DDX31: variants seen among roughly 807,000 people sequenced by gnomAD.
DDX31 encodes the protein ATP-dependent DNA helicase DDX31.
DDX31 carries 70 observed loss-of-function variants against 91.3 expected under a neutral mutation model. The observed-to-expected ratio is 0.77, with a 90% CI of 0.63 to 0.94. The LOEUF is 0.94. Ranked by LOEUF, DDX31 falls within the 40% of genes least tolerant of loss-of-function variation. DDX31 has a pLI of 0.00. For synonymous variants in DDX31, 362 were observed against 350.6 expected, an observed-to-expected ratio of 1.03 and a Z score of -0.36; for missense variants, 902 against 925.0, an observed-to-expected ratio of 0.98 and a Z score of 0.32.
Position 132,604,905 on chromosome 9 carries a change from C to T in DDX31, c.1994+7182G>A, listed in dbSNP as rs74444980. 6.6e-3 allele frequency among the ~76,000 whole-genome samples: 1,003 copies of T among 152,254 alleles called. 12 individuals carry two copies. The highest frequency in any genetic ancestry group is 0.023 in the African/African-American group (958 of 41,532). ...CCTGCTCATTTCTGTGTTCTGTGGGCTGATCCCAGGCCTCCTTCACCAGGG... is the reference window on the plus strand; with the variant it reads ...CCTGCTCATTTCTGTGTTCTGTGGGTTGATCCCAGGCCTCCTTCACCAGGG... On this transcript the variant is annotated intron_variant, in intron 19 of 19. Coordinates refer to ENST00000372159, the MANE Select transcript of DDX31 (RefSeq NM_022779.9).
At chr9:132,613,675 C>T (rs1358928463) in intron 18 of DDX31, among the ~76,000 whole-genome samples, 1 of 152,156 alleles carries the variant, frequency 6.6e-6, no homozygotes, top group Non-Finnish European at 1.5e-5. Context: ...GCCTGGGCAA[C>T]AAGAGCAAAA....
chr9:132,619,397 C>T (rs1328465526), intron 17 of DDX31, among the ~76,000 whole-genome samples: 4 of 152,236 alleles, frequency 2.6e-5, no homozygotes, highest in East Asian at 1.9e-4. Flanking sequence ...TGTGAACCCC[C>T]GGGGAAAATC....
At chr9:132,618,776 A>G (rs1481962297) in intron 17 of DDX31, among the ~76,000 whole-genome samples, 2 of 152,218 alleles carry the variant, frequency 1.3e-5, no homozygotes, top group Admixed American at 1.3e-4. Context: ...ATCACTGAAC[A>G]TGAGCTGTTT....
At chr9:132,597,420 A>C (rs1235530261) in intron 19 of DDX31, among the ~76,000 whole-genome samples, 1 of 152,154 alleles carries the variant, frequency 6.6e-6, no homozygotes, top group Non-Finnish European at 1.5e-5. Context: ...GTCTGACAGG[A>C]AGGAATGCTT....
At chr9:132,609,158 G>C (rs1176243137) in intron 19 of DDX31, among the ~76,000 whole-genome samples, 1 of 152,078 alleles carries the variant, frequency 6.6e-6, no homozygotes, top group African/African-American at 2.4e-5. Context: ...CAAGAACAGA[G>C]AGCGGCATTG....
intron 6 of DDX31, among the ~76,000 whole-genome samples, chr9:132,653,730 T>G (rs1366315666): frequency 6.6e-6 from 1 of 152,014 alleles, no homozygotes; most frequent in African/African-American, 2.4e-5. Context: ...TATAAGCTAA[T>G]TCTCTCTAAA....
chr9:132,632,820 G>A (rs947713576), intron 14 of DDX31, among the ~76,000 whole-genome samples: 1 of 152,170 alleles, frequency 6.6e-6, no homozygotes, highest in African/African-American at 2.4e-5. Context: ...AAGCAATGGA[G>A]ATTTATTTTT....
At chr9:132,598,373 C>T (rs948105932) in intron 19 of DDX31, among the ~76,000 whole-genome samples, 4 of 152,180 alleles carry the variant, frequency 2.6e-5, no homozygotes. Context: ...TACCCGCACC[C>T]CTCTCCAATG....
At chr9:132,648,727 T>C (rs1564325548) in intron 9 of DDX31, among the ~76,000 whole-genome samples, 176 bp from the exon 10 acceptor site, 1 of 152,242 alleles carries the variant, frequency 6.6e-6, no homozygotes, top group Non-Finnish European at 1.5e-5. Context: ...AGTCTTTCCC[T>C]GTACTGTGAA....
chr9:132,636,044 C>G (rs1003514158), intron 14 of DDX31, among the ~76,000 whole-genome samples: 1 of 152,220 alleles, frequency 6.6e-6, no homozygotes, highest in Non-Finnish European at 1.5e-5. Flanking sequence ...ATCACTCCCC[C>G]AGAAGGACCA....
chr9:132,628,057 G>T (rs966015062), intron 16 of DDX31, among the ~76,000 whole-genome samples: 2 of 152,262 alleles, frequency 1.3e-5, no homozygotes, highest in African/African-American at 4.8e-5. Flanking sequence ...TTAAGTCAAA[G>T]AAACAGTTCA....
intron 14 of DDX31, among the ~76,000 whole-genome samples, 187 bp from the exon 15 acceptor site, chr9:132,632,278 A>AGTCCTG (rs1229358698): frequency 6.8e-6 from 1 of 146,462 alleles, no homozygotes; most frequent in African/African-American, 2.7e-5. Flanking sequence ...ACACACACAC[A>AGTCCTG]CACACACACA....
intron 19 of DDX31, 96 bp downstream of exon 19, chr9:132,611,991 T>G: frequency 2.3e-5 from 34 of 1,478,152 alleles, no homozygotes; most frequent in Non-Finnish European, 2.8e-5. Flanking sequence ...CAGGTATGAG[T>G]GAGAAGAGAG....
rs951632020 is a variant in DDX31 at position 132,593,206 on chromosome 9, C to A, written c.*1660G>T. On this transcript the variant is annotated 3_prime_UTR_variant, in exon 20 of 20. Transcript: ENST00000372159. ...GATCTTGGAATTATCGTCACTCACA[C>A]GTTGCATGATTCTAGCACTTCTCTT... 3.3e-5 allele frequency: 5 copies of A among 152,212 alleles called. No homozygotes were observed. The highest frequency in any genetic ancestry group is 1.2e-4 in the African/African-American group (5 of 41,452). The allele number at this position is 152,212 out of a possible 1,614,324, so 9.4% of individuals were successfully genotyped here.
At chr9:132,613,207 G>A (rs1264659359) in intron 18 of DDX31, among the ~76,000 whole-genome samples, 1 of 152,112 alleles carries the variant, frequency 6.6e-6, no homozygotes, top group Non-Finnish European at 1.5e-5. Context: ...TTAAAACCAA[G>A]TTCATTCTAA....
intron 18 of DDX31, among the ~76,000 whole-genome samples, chr9:132,617,087 G>A (rs1305928269): frequency 6.6e-6 from 1 of 151,888 alleles, no homozygotes; most frequent in Non-Finnish European, 1.5e-5. Flanking sequence ...CCTTCATTCC[G>A]ACCAAGACCC....
chr9:132,657,679 T>C (rs1834658586), intron 6 of DDX31, among the ~76,000 whole-genome samples: 1 of 152,198 alleles, frequency 6.6e-6, no homozygotes, highest in Admixed American at 6.5e-5. Context: ...CTTTTGTCTG[T>C]TTTTTGCAGT....
At chr9:132,660,641 TC>T (rs1179681801) in intron 4 of DDX31, among the ~76,000 whole-genome samples, 2 of 151,682 alleles carry the variant, frequency 1.3e-5, no homozygotes, top group African/African-American at 2.4e-5. Flanking sequence ...TGTGGGGAGG[TC>T]CCTTAATTTG....
intron 15 of DDX31, 63 bp downstream of exon 15, chr9:132,631,978 A>G (rs1832755038): frequency 7.0e-7 from 1 of 1,428,378 alleles, no homozygotes; most frequent in Admixed American, 1.9e-5. Context: ...CTTAAAGCCA[A>G]TGCATCTACT....
Sources: allele counts gnomAD v4.1 joint callset (sites outside exome capture counted in the v4.1 genomes callset), GRCh38; gene constraint gnomAD v4.1.1; transcripts MANE v1.5; gene names NCBI Gene and HGNC (gene_info 2026-07-23, HGNC 2026-07-21).